RBM34: variants seen among roughly 807,000 people sequenced by gnomAD.
RBM34 encodes RNA binding motif protein 34.
A neutral mutation model predicts 44.6 loss-of-function variants in RBM34; 39 were observed. That is an observed-to-expected ratio of 0.87 (90% CI 0.68 to 1.14). The LOEUF (loss-of-function observed/expected upper bound fraction) is 1.14, where lower values mean the gene tolerates loss of function less well. Ranked by LOEUF, RBM34 falls within the 50% of genes most tolerant of loss-of-function variation. The pLI, the probability that RBM34 is intolerant of heterozygous loss-of-function variation, is 0.00. For missense variants in RBM34, 572 were observed against 517.9 expected, an observed-to-expected ratio of 1.10 and a Z score of -1.01; for synonymous variants, 194 against 184.0, an observed-to-expected ratio of 1.05 and a Z score of -0.44.
At chr1:235,152,396 CA>C (rs1229601860) in intron 5 of RBM34, 1 of 834,858 alleles carries the variant, frequency 1.2e-6, no homozygotes, top group Non-Finnish European at 1.5e-6. Context: ...AGGATTCCAG[CA>C]ATGATAATCA....
chr1:235,152,401 A>G, intron 5 of RBM34: 1 of 869,022 alleles, frequency 1.2e-6, no homozygotes, highest in Non-Finnish European at 1.4e-6. Flanking sequence ...TCCAGCAATG[A>G]TAATCAGTAT....
intron 3 of RBM34, chr1:235,156,683 T>C (rs1662461285): frequency 2.2e-6 from 1 of 455,848 alleles, no homozygotes; most frequent in African/African-American, 2.0e-5. Context: ...AAAGGAGAAC[T>C]AAAGGATATT....
chr1:235,144,033 C>T (rs979531895), intron 6 of RBM34, among the ~76,000 whole-genome samples: 3 of 151,878 alleles, frequency 2.0e-5, no homozygotes, highest in African/African-American at 4.8e-5. Context: ...AAAAATCAGC[C>T]GGGTGTGGTG....
At chr1:235,143,404 A>G (rs1221550208) in intron 6 of RBM34, among the ~76,000 whole-genome samples, 3 of 152,244 alleles carry the variant, frequency 2.0e-5, no homozygotes, top group East Asian at 3.8e-4. Context: ...AGTTTTATGT[A>G]TAATAGCCAA....
At chr1:235,146,062 C>T (rs1224437002) in intron 6 of RBM34, among the ~76,000 whole-genome samples, 1 of 144,500 alleles carries the variant, frequency 6.9e-6, no homozygotes, top group African/African-American at 2.6e-5. Context: ...ACTTCCTGAG[C>T]TCAGGTGCTC....
At chr1:235,149,028 T>C (rs1464628309) in intron 5 of RBM34, among the ~76,000 whole-genome samples, 3 of 151,928 alleles carry the variant, frequency 2.0e-5, no homozygotes, top group Admixed American at 6.6e-5. Context: ...GGCTCTCAAA[T>C]TGCATCAGAT....
intron 4 of RBM34, among the ~76,000 whole-genome samples, chr1:235,153,941 T>C (rs1662280403): frequency 2.0e-5 from 3 of 152,032 alleles, no homozygotes; most frequent in Admixed American, 1.3e-4. Context: ...AAGGCACCAT[T>C]TCAGGTGTCA....
At chr1:235,154,713 C>T (rs925036384) in intron 4 of RBM34, among the ~76,000 whole-genome samples, 168 bp downstream of exon 4, 1 of 152,022 alleles carries the variant, frequency 6.6e-6, no homozygotes, top group Admixed American at 6.6e-5. Flanking sequence ...TTGGCAGGGA[C>T]TACAGGAATG....
At chr1:235,139,971 C>G (rs889691258) in intron 6 of RBM34, among the ~76,000 whole-genome samples, 1 of 152,344 alleles carries the variant, frequency 6.6e-6, no homozygotes, top group Non-Finnish European at 1.5e-5. Context: ...GGAGTGTGCG[C>G]CCATCCTCAG....
chr1:235,160,950 C>G lies in RBM34; in HGVS notation c.171G>C (p.Ala57=), dbSNP rs780433442. The G allele has an allele frequency of 1.9e-6, 3 of 1,614,022 alleles. No individual in the cohort carries two copies. The highest frequency in any genetic ancestry group is 2.5e-6 in the Non-Finnish European group (3 of 1,180,044). The change falls in exon 2 of 11, where the codon GCG becomes GCC. Residue 57 remains alanine (A), a synonymous_variant. Coordinates refer to ENST00000408888, the MANE Select transcript of RBM34 (RefSeq NM_015014.4). ...HHSRGGTGRL[A]SLFSSLEPQI... is the part of the protein sequence containing the mutation. ...GGGGCTCCAGAGAACTGAAGAGGGA[C>G]GCCAGCCGACCGGTGCCACCTCTGG...
intron 4 of RBM34, among the ~76,000 whole-genome samples, chr1:235,154,522 C>A (rs1258325889): frequency 6.6e-6 from 1 of 152,154 alleles, no homozygotes; most frequent in African/African-American, 2.4e-5. Flanking sequence ...AATGATCATG[C>A]CACTACACTC....
chr1:235,141,154 G>A (rs1475852882), intron 6 of RBM34, among the ~76,000 whole-genome samples: 1 of 151,732 alleles, frequency 6.6e-6, no homozygotes, highest in East Asian at 1.9e-4. Flanking sequence ...CCTGTGTTTA[G>A]CTCAAGGTTT....
At position 235,137,927 on chromosome 1, in the gene RBM34, T is replaced by C; in HGVS notation, c.799A>G (p.Ile267Val). 4 of 1,604,448 alleles carry C rather than the reference T, an allele frequency of 2.5e-6. No individual in the cohort carries two copies. The South Asian group carries it at 4.4e-5, about 18-fold the overall frequency. The change falls in exon 8 of 11, where the codon ATT (isoleucine) becomes GTT (valine). Residue 267 changes from isoleucine to valine, a missense_variant. Coordinates refer to ENST00000408888, the MANE Select transcript of RBM34 (RefSeq NM_015014.4). ...TQALKRNGAQIADGFRIRVDL... is the reference protein window; with the variant it reads ...TQALKRNGAQVADGFRIRVDL... ...ACTCTAATACGAAATCCATCTGCAA[T>C]CTGGGCCCCATTTCTGTATTATAAA...
rs111968038 is a variant in RBM34, at chr1:235,138,521, G to C, written c.702-347C>G. Reference sequence around the variant, plus strand: ...ACACATATAAACAGTTGTGAAAGACGTGAGTTTTCCTCTTTACTGTGAAAC... The same window carrying C: ...ACACATATAAACAGTTGTGAAAGACCTGAGTTTTCCTCTTTACTGTGAAAC... On this transcript the variant is annotated intron_variant, in intron 6 of 10. Coordinates refer to ENST00000408888, the MANE Select transcript of RBM34 (RefSeq NM_015014.4). Among the ~76,000 whole-genome samples, 924 of 152,206 alleles carry C rather than the reference G, an allele frequency of 6.1e-3. 16 individuals are homozygous for C. Among genetic ancestry groups the C allele is most frequent in the African/African-American group, 0.021 (878 of 41,520 alleles).
rs555347079 is a variant in RBM34, at chr1:235,158,431, A to C, written c.365+2080T>G. 1.5e-4 allele frequency among the ~76,000 whole-genome samples: 23 copies of C among 151,956 alleles called. No homozygotes were observed. In the South Asian group the frequency reaches 4.8e-3, roughly 32 times the overall value. On this transcript the variant is annotated intron_variant, in intron 3 of 10. Coordinates refer to ENST00000408888, the MANE Select transcript of RBM34 (RefSeq NM_015014.4). ...AACGCCATCTCAAAACAAAAAAAAA[A>C]AACAAAAAAAAACGAGGGATAAGGG... is the stretch of plus-strand genomic sequence containing the variant.
intron 4 of RBM34, among the ~76,000 whole-genome samples, chr1:235,154,139 A>C (rs1572165333): frequency 1.3e-5 from 2 of 151,978 alleles, no homozygotes; most frequent in South Asian, 4.2e-4. Flanking sequence ...CCAGCTACTC[A>C]GGAGGCTGAG....
Position 235,153,425 on chromosome 1 carries a change from C to CT in RBM34, c.598-661dup, listed in dbSNP as rs1189611806. Among the ~76,000 whole-genome samples, 632 of 142,742 alleles carry CT rather than the reference C, an allele frequency of 4.4e-3. 3 individuals carry two copies. The highest frequency in any genetic ancestry group is 8.1e-3 in the African/African-American group (319 of 39,192). The allele number at this position is 142,742 out of a possible 152,430, so 93.6% of individuals were successfully genotyped here. On this transcript the variant is annotated intron_variant, in intron 4 of 10. Transcript: ENST00000408888. ...CACATTGGTTTAAACCAGGAATAAACTTTTTTTTTTTTTTTTGAGACAGAG... is the reference window on the plus strand; with the variant it reads ...CACATTGGTTTAAACCAGGAATAAACTTTTTTTTTTTTTTTTTGAGACAGAG...
At chr1:235,150,253 T>C (rs925883096) in intron 5 of RBM34, among the ~76,000 whole-genome samples, 1 of 152,182 alleles carries the variant, frequency 6.6e-6, no homozygotes, top group Admixed American at 6.5e-5. Flanking sequence ...TTTCGTATTT[T>C]TAGTAGAAAC....
chr1:235,152,906 T>C (rs1226073646), intron 4 of RBM34, 141 bp from the exon 5 acceptor site: 3 of 705,008 alleles, frequency 4.3e-6, no homozygotes, highest in Admixed American at 3.4e-5. Flanking sequence ...TCTTGCACTT[T>C]CGCCCAGGCT....
Sources: allele counts gnomAD v4.1 joint callset (sites outside exome capture counted in the v4.1 genomes callset), GRCh38; gene constraint gnomAD v4.1.1; transcripts MANE v1.5; gene names NCBI Gene and HGNC (gene_info 2026-07-23, HGNC 2026-07-21).